The following SLC25A21 variants were observed in gnomAD, a reference collection of about 807,000 sequenced individuals.
SLC25A21 encodes solute carrier family 25 member 21.
Under a neutral mutation model 43.8 loss-of-function variants are expected in SLC25A21, and 47 were observed. The observed-to-expected ratio is 1.07, with a 90% CI of 0.85 to 1.37. The LOEUF (loss-of-function observed/expected upper bound fraction) is 1.37, where lower values mean the gene tolerates loss of function less well. Ranked by LOEUF, SLC25A21 falls within the 40% of genes most tolerant of loss-of-function variation. The pLI is 0.00. For missense variants in SLC25A21, 352 were observed against 350.2 expected (o/e 1.00, Z -0.04); for synonymous variants, 131 against 121.3 (o/e 1.08, Z -0.52).
At chr14:37,033,792 G>T (rs1369752309) in intron 1 of SLC25A21, among the ~76,000 whole-genome samples, 1 of 152,120 alleles carries the variant, frequency 6.6e-6, no homozygotes, top group Admixed American at 6.5e-5. Context: ...GATTAGAAAG[G>T]TGCCAAATTA....
At chr14:37,091,295 G>A (rs1962580313) in intron 1 of SLC25A21, among the ~76,000 whole-genome samples, 1 of 152,064 alleles carries the variant, frequency 6.6e-6, no homozygotes. Context: ...TTAGCTGGGT[G>A]TGGTAGCACA....
chr14:36,998,956 G>C (rs1960430217), intron 1 of SLC25A21, among the ~76,000 whole-genome samples: 1 of 152,148 alleles, frequency 6.6e-6, no homozygotes, highest in South Asian at 2.1e-4. Flanking sequence ...CATTCACTGT[G>C]TGAATGCAAA....
At chr14:37,171,020 T>C (rs951843110) in intron 1 of SLC25A21, among the ~76,000 whole-genome samples, 3 of 146,956 alleles carry the variant, frequency 2.0e-5, no homozygotes, top group East Asian at 2.0e-4. Flanking sequence ...AACCCGGGAG[T>C]TGGAGCAGCG....
At chr14:36,747,449 A>G (rs1332589799) in intron 3 of SLC25A21, among the ~76,000 whole-genome samples, 1 of 152,184 alleles carries the variant, frequency 6.6e-6, no homozygotes, top group African/African-American at 2.4e-5. Context: ...GAATTAGTAC[A>G]TTGTTGTTAG....
chr14:36,801,007 G>A (rs1213727674), intron 3 of SLC25A21, among the ~76,000 whole-genome samples: 1 of 152,114 alleles, frequency 6.6e-6, no homozygotes, highest in Non-Finnish European at 1.5e-5. Flanking sequence ...TTTTGCTGAG[G>A]GTGGGTTTTA....
intron 1 of SLC25A21, among the ~76,000 whole-genome samples, chr14:36,935,556 G>A (rs900819636): frequency 8.5e-5 from 13 of 152,172 alleles, no homozygotes; most frequent in Middle Eastern, 3.4e-3. Flanking sequence ...TTAGTGGAGC[G>A]GATCCACATG....
chr14:36,931,374 G>A (rs371958895), intron 1 of SLC25A21, among the ~76,000 whole-genome samples: 1 of 152,248 alleles, frequency 6.6e-6, no homozygotes, highest in Admixed American at 6.5e-5. Flanking sequence ...GTGGTATGAA[G>A]GGTTGGAGTG....
In SLC25A21 at chr14:36,855,413, G is replaced by A. The variant is rs1047711620; in HGVS notation, c.119+19543C>T. ...GCAATGACACTGGATATTGGGTAGC[G>A]AAGAGGATAGACACAGATGCAGAAA... On this transcript the variant is annotated intron_variant, in intron 2 of 9. Transcript: ENST00000331299. Among the ~76,000 whole-genome samples the A allele has an allele frequency of 2.0e-5, 3 of 152,140 alleles. No individual in the cohort carries two copies. In the South Asian group the frequency reaches 6.2e-4, roughly 32 times the overall value.
intron 7 of SLC25A21, among the ~76,000 whole-genome samples, chr14:36,696,824 C>T (rs1051586532): frequency 2.6e-5 from 4 of 151,778 alleles, no homozygotes; most frequent in Admixed American, 1.3e-4. Context: ...TCTTGCTAGC[C>T]GTACATCTAT....
At chr14:36,962,063 A>T (rs1048048051) in intron 1 of SLC25A21, among the ~76,000 whole-genome samples, 2 of 152,216 alleles carry the variant, frequency 1.3e-5, no homozygotes, top group Admixed American at 1.3e-4. Flanking sequence ...AGCGACTTCC[A>T]AGGTGGTTCT....
chr14:36,716,483 T>A (rs1176344879), intron 6 of SLC25A21, among the ~76,000 whole-genome samples: 2 of 152,214 alleles, frequency 1.3e-5, no homozygotes, highest in African/African-American at 2.4e-5. Flanking sequence ...AGTAACCATT[T>A]TACTGTCTGT....
At chr14:36,834,379 TCCTGGCTATGC>T (rs1889137520) in intron 2 of SLC25A21, among the ~76,000 whole-genome samples, 1 of 152,202 alleles carries the variant, frequency 6.6e-6, no homozygotes, top group Non-Finnish European at 1.5e-5. Context: ...TGGGTTCAAA[TCCTGGCTATGC>T]CACCTACCTA....
chr14:36,914,670 T>G (rs1038231873), intron 1 of SLC25A21, among the ~76,000 whole-genome samples: 1 of 152,182 alleles, frequency 6.6e-6, no homozygotes, highest in Non-Finnish European at 1.5e-5. Flanking sequence ...ACACCTTTTA[T>G]GATAAGCCAA....
intron 1 of SLC25A21, among the ~76,000 whole-genome samples, chr14:37,147,734 AC>A (rs1338261893): frequency 6.6e-6 from 1 of 150,856 alleles, no homozygotes; most frequent in African/African-American, 2.4e-5. Context: ...CCTCAAACTC[AC>A]CTAAAACTAC....
At chr14:37,158,722 G>T (rs1963890526) in intron 1 of SLC25A21, among the ~76,000 whole-genome samples, 1 of 152,114 alleles carries the variant, frequency 6.6e-6, no homozygotes, top group Admixed American at 6.5e-5. Flanking sequence ...AGTACTGGAA[G>T]TCCTAACCGA....
Position 37,048,588 on chromosome 14 carries a change from T to A in SLC25A21, c.70+123693A>T, listed in dbSNP as rs77742172. Among the ~76,000 whole-genome samples, 861 of 152,244 alleles carry A rather than the reference T, an allele frequency of 5.7e-3. 7 individuals are homozygous for A. The highest frequency in any genetic ancestry group is 0.02 in the African/African-American group (821 of 41,566). Reference sequence around the variant, plus strand: ...TAACTTGCCTATAACCTTAGAGATGTCATAAGCCTATGACATCTGACAGCT... The same window carrying A: ...TAACTTGCCTATAACCTTAGAGATGACATAAGCCTATGACATCTGACAGCT... On this transcript the variant is annotated intron_variant, in intron 1 of 9. Transcript: ENST00000331299.
intron 2 of SLC25A21, among the ~76,000 whole-genome samples, chr14:36,840,339 A>G (rs76523276): frequency 0.022 from 3,382 of 152,262 alleles, 141 homozygotes; most frequent in African/African-American, 0.077. Context: ...CAAAAAGAAG[A>G]GTTTATTTCA....
At chr14:37,075,253 T>C (rs1962256761) in intron 1 of SLC25A21, among the ~76,000 whole-genome samples, 1 of 152,122 alleles carries the variant, frequency 6.6e-6, no homozygotes, top group Admixed American at 6.6e-5. Flanking sequence ...TCATGGGTGG[T>C]TCTTGGTGGT....
rs547920363 is a variant in SLC25A21 at position 36,919,423 on chromosome 14, A to G, written c.71-44419T>C. Among the ~76,000 whole-genome samples, 139 of 152,178 alleles carry G rather than the reference A, an allele frequency of 9.1e-4. No homozygotes were observed. The Middle Eastern group carries it at 0.014, about 15-fold the overall frequency. On this transcript the variant is annotated intron_variant, in intron 1 of 9. Coordinates refer to ENST00000331299, the MANE Select transcript of SLC25A21 (RefSeq NM_030631.4). ...ACCTTTGTGTGAACACCTGCTAAAT[A>G]AGAAGTACAGCAAATTGACATTTGG...
Sources: gnomAD v4.1 joint callset for allele counts (sites outside exome capture counted in the v4.1 genomes callset) on GRCh38, gnomAD v4.1.1 for gene constraint, MANE v1.5 for transcripts, NCBI Gene and HGNC (gene_info 2026-07-23, HGNC 2026-07-21) for gene names.